Variants in TBCK observed in about 807,000 individuals in gnomAD.
The protein encoded by TBCK is TBC1 domain containing kinase.
Under a neutral mutation model 113.4 loss-of-function variants are expected in TBCK, and 99 were observed. That is an observed-to-expected ratio of 0.87 (90% CI 0.74 to 1.03). TBCK has a LOEUF of 1.03. TBCK is among the 50% of genes least tolerant of loss of function. TBCK has a pLI of 0.00. For synonymous variants in TBCK, 369 were observed against 370.8 expected (o/e 1.00, Z 0.05); for missense variants, 1,045 against 1,061.3 (o/e 0.98, Z 0.21).
intron 22 of TBCK, among the ~76,000 whole-genome samples, chr4:106,189,589 C>T (rs1008475137): frequency 2.6e-5 from 4 of 151,922 alleles, no homozygotes; most frequent in Non-Finnish European, 5.9e-5. Flanking sequence ...CTATTGGGAG[C>T]ACTTATGTTA....
intron 23 of TBCK, among the ~76,000 whole-genome samples, chr4:106,168,643 C>T (rs1017636539): frequency 6.6e-6 from 1 of 151,842 alleles, no homozygotes; most frequent in African/African-American, 2.4e-5. Context: ...AGCAAGGTAG[C>T]AGGACTCGAA....
intron 1 of TBCK, among the ~76,000 whole-genome samples, 155 bp from the exon 2 acceptor site, chr4:106,309,144 A>T (rs987754460): frequency 3.9e-5 from 6 of 152,152 alleles, no homozygotes; most frequent in Non-Finnish European, 7.4e-5. Flanking sequence ...ATCAGAGGAC[A>T]AAACAACTCA....
intron 25 of TBCK, among the ~76,000 whole-genome samples, chr4:106,094,774 G>A (rs1740722676): frequency 6.6e-6 from 1 of 152,170 alleles, no homozygotes; most frequent in Non-Finnish European, 1.5e-5. Flanking sequence ...TCTGCAGGGA[G>A]CAAGTTACCT....
chr4:106,087,716 T>C (rs1739675029), intron 25 of TBCK, among the ~76,000 whole-genome samples: 1 of 152,150 alleles, frequency 6.6e-6, no homozygotes, highest in African/African-American at 2.4e-5. Flanking sequence ...AACAGCATGG[T>C]ATTTGTACAT....
At chr4:106,071,188 T>C (rs932417145) in intron 25 of TBCK, among the ~76,000 whole-genome samples, 1 of 152,214 alleles carries the variant, frequency 6.6e-6, no homozygotes, top group Admixed American at 6.5e-5. Context: ...AATTGTGATG[T>C]TAGGGTGTCG....
intron 3 of TBCK, among the ~76,000 whole-genome samples, chr4:106,282,456 T>C (rs1319869283): frequency 2.6e-5 from 4 of 152,102 alleles, no homozygotes; most frequent in Non-Finnish European, 5.9e-5. Flanking sequence ...TTGGGATTGG[T>C]TTGCTCTTGC....
chr4:106,206,793 T>C (rs1355641129), intron 20 of TBCK, among the ~76,000 whole-genome samples: 1 of 152,212 alleles, frequency 6.6e-6, no homozygotes, highest in Admixed American at 6.5e-5. Flanking sequence ...AAAATGATTG[T>C]GATAAGCTTT....
chr4:106,068,722 A>G lies in TBCK; in HGVS notation c.2572-22042T>C, dbSNP rs1011833405. Among the ~76,000 whole-genome samples, 10 of 152,282 alleles carry G rather than the reference A, an allele frequency of 6.6e-5. No homozygotes were observed. In the East Asian group the frequency reaches 1.9e-3, roughly 29 times the overall value. On this transcript the variant is annotated intron_variant, in intron 25 of 25. Transcript: ENST00000394708. ...GGTTCTAGATCCTTGAGGAATCGCC[A>G]CACTGTCTTCCACAATGGTTGAACT...
At chr4:106,259,346 G>A (rs999710264) in intron 5 of TBCK, among the ~76,000 whole-genome samples, 5 of 151,796 alleles carry the variant, frequency 3.3e-5, no homozygotes, top group Admixed American at 1.3e-4. Flanking sequence ...TCTCAGTAAC[G>A]GTGTGATAGA....
chr4:106,178,349 A>T (rs1751934027), intron 22 of TBCK, among the ~76,000 whole-genome samples: 1 of 151,864 alleles, frequency 6.6e-6, no homozygotes, highest in South Asian at 2.1e-4. Context: ...TAGAATTTCC[A>T]GTACTCTGTT....
chr4:106,309,699 AG>A (rs1423537101), intron 1 of TBCK, among the ~76,000 whole-genome samples: 1 of 152,162 alleles, frequency 6.6e-6, no homozygotes, highest in Non-Finnish European at 1.5e-5. Flanking sequence ...GAGGAAATAT[AG>A]GTACCAACTA....
intron 3 of TBCK, among the ~76,000 whole-genome samples, chr4:106,269,898 G>A (rs1025648232): frequency 2.0e-5 from 3 of 152,038 alleles, no homozygotes; most frequent in African/African-American, 7.2e-5. Flanking sequence ...ATAGTCTAGC[G>A]GTTTGAGGTT....
At chr4:106,095,795 GAA>G (rs34901247) in intron 24 of TBCK, among the ~76,000 whole-genome samples, 154 bp from the exon 25 acceptor site, 4 of 149,050 alleles carry the variant, frequency 2.7e-5, no homozygotes, top group African/African-American at 7.4e-5. Flanking sequence ...ACCTCCAGGA[GAA>G]AAAAAAAAGT....
chr4:106,058,641 G>A (rs1578771340), intron 25 of TBCK, among the ~76,000 whole-genome samples: 1 of 151,766 alleles, frequency 6.6e-6, no homozygotes, highest in African/African-American at 2.4e-5. Context: ...AAACCTAAGA[G>A]GGTGAGGGAG....
chr4:106,208,485 A>G (rs2149873273), intron 20 of TBCK, among the ~76,000 whole-genome samples: 1 of 151,740 alleles, frequency 6.6e-6, no homozygotes, highest in Non-Finnish European at 1.5e-5. Context: ...GAGCATATAA[A>G]AGCCCCAGGC....
chr4:106,194,649 A>C, intron 21 of TBCK, 69 bp downstream of exon 21: 3 of 1,190,294 alleles, frequency 2.5e-6, no homozygotes, highest in Middle Eastern at 1.9e-4. Flanking sequence ...TAAATATAAA[A>C]TATGGGGAGG....
chr4:106,160,870 T>C (rs1236514282), intron 23 of TBCK, among the ~76,000 whole-genome samples: 3 of 151,936 alleles, frequency 2.0e-5, no homozygotes, highest in Non-Finnish European at 2.9e-5. Context: ...AACCCAAGTG[T>C]CTACTGATGA....
chr4:106,066,797 G>T (rs1736694960), intron 25 of TBCK, among the ~76,000 whole-genome samples: 1 of 151,824 alleles, frequency 6.6e-6, no homozygotes, highest in African/African-American at 2.4e-5. Context: ...TTTATATGTG[G>T]ATTATACTTA....
chr4:106,312,804 A>T (rs1367938338), intron 1 of TBCK, among the ~76,000 whole-genome samples: 4 of 152,252 alleles, frequency 2.6e-5, no homozygotes, highest in Non-Finnish European at 5.9e-5. Flanking sequence ...CATAAAGTTT[A>T]TGAAAGAAGC....
Sources: gnomAD v4.1 joint callset for allele counts (sites outside exome capture counted in the v4.1 genomes callset) on GRCh38, gnomAD v4.1.1 for gene constraint, MANE v1.5 for transcripts, NCBI Gene and HGNC (gene_info 2026-07-23, HGNC 2026-07-21) for gene names.